The following ZBTB8B variants were observed in gnomAD, a reference collection of about 807,000 sequenced individuals.
ZBTB8B encodes zinc finger and BTB domain-containing protein 8B.
ZBTB8B carries 17 observed loss-of-function variants against 30.3 expected under a neutral mutation model. The observed-to-expected ratio is 0.56, with a 90% CI of 0.38 to 0.84. The LOEUF (loss-of-function observed/expected upper bound fraction) is 0.84. Ranked by LOEUF, ZBTB8B falls within the 40% of genes least tolerant of loss-of-function variation. The pLI, the probability that ZBTB8B is intolerant of heterozygous loss-of-function variation, is 0.00. For missense variants in ZBTB8B, 515 were observed against 644.9 expected (o/e 0.80, Z 2.18); for synonymous variants, 248 against 255.6 (o/e 0.97, Z 0.28).
chr1:32,495,395 G>A lies in ZBTB8B; in HGVS notation c.*9977G>A, dbSNP rs1438202946. On this transcript the variant is annotated 3_prime_UTR_variant, in exon 4 of 4. Coordinates refer to ENST00000609129, the MANE Select transcript of ZBTB8B (RefSeq NM_001145720.2). ...TGGTTTTTAATGAAATATTTATCTA[G>A]TTTGGGATTAAAATTAACTTAGGGC... 1.3e-5 allele frequency: 2 copies of A among 152,050 alleles called. No individual in the cohort carries two copies. The highest frequency in any genetic ancestry group is 3.8e-4 in the East Asian group (2 of 5,196). 9.4% of individuals were successfully genotyped at this position (152,050 alleles called of 1,614,324 possible).
At chr1:32,481,104 G>A in intron 3 of ZBTB8B, 35 bp downstream of exon 3, 1 of 1,513,870 alleles carries the variant, frequency 6.6e-7, no homozygotes, top group Non-Finnish European at 8.9e-7. Flanking sequence ...CTTGTGGCAA[G>A]AGCTATTCAT....
chr1:32,474,141 A>G (rs768562610), intron 2 of ZBTB8B, among the ~76,000 whole-genome samples: 1 of 151,766 alleles, frequency 6.6e-6, no homozygotes, highest in South Asian at 2.1e-4. Context: ...ATGAGCCACT[A>G]TGCCCGGCTT....
chr1:32,470,560 T>C, intron 1 of ZBTB8B, 24 bp from the exon 2 acceptor site: 5 of 1,384,278 alleles, frequency 3.6e-6, no homozygotes, highest in Non-Finnish European at 4.7e-6. Context: ...GATTTGTGAA[T>C]TAACTTAAGA....
At position 32,481,088 on chromosome 1, in the gene ZBTB8B, C is replaced by T. The variant is rs981439712; in HGVS notation, c.1170+19C>T. On this transcript the variant is annotated intron_variant, in intron 3 of 3. Coordinates refer to ENST00000609129, the MANE Select transcript of ZBTB8B (RefSeq NM_001145720.2). The stretch of plus-strand genomic sequence containing the variant: ...ACTGAGTGTAAGTGTTCGAGCTGGC[C>T]ATGCCCTTGTGGCAAGAGCTATTCA... The T allele has an allele frequency of 6.5e-7, 1 of 1,534,618 alleles. No homozygotes were observed. Among genetic ancestry groups the T allele is most frequent in the South Asian group, 1.2e-5 (1 of 80,856 alleles).
intron 3 of ZBTB8B, among the ~76,000 whole-genome samples, chr1:32,483,432 AC>A (rs1469256112): frequency 1.3e-5 from 2 of 151,638 alleles, no homozygotes; most frequent in South Asian, 2.1e-4. Context: ...CTCAAAAAAA[AC>A]AAAACAAAAA....
rs1181158603 is a variant in ZBTB8B, at chr1:32,470,559, ATTAAC to A, written c.-41-20_-41-16del. ...TGTTTGTAAAGGTTGGGATTTGTGA[ATTAAC>A]TTAAGAAAAATCTTGGCAGAGATAC... On this transcript the variant is annotated intron_variant, in intron 1 of 3. Coordinates refer to ENST00000609129, the MANE Select transcript of ZBTB8B (RefSeq NM_001145720.2). 1.1e-5 allele frequency: 16 copies of A among 1,406,124 alleles called. No homozygotes were observed. The highest frequency in any genetic ancestry group is 2.9e-5 in the South Asian group (2 of 68,510). The allele number at this position is 1,406,124 out of a possible 1,614,324, so 87.1% of individuals were successfully genotyped here.
chr1:32,472,724 C>A (rs1643633810), intron 2 of ZBTB8B, among the ~76,000 whole-genome samples: 1 of 152,182 alleles, frequency 6.6e-6, no homozygotes, highest in Admixed American at 6.5e-5. Flanking sequence ...AGTGATTCTT[C>A]TGCCTCAGCC....
chr1:32,473,512 CTTTT>C (rs11300546), intron 2 of ZBTB8B, among the ~76,000 whole-genome samples: 15 of 112,180 alleles, frequency 1.3e-4, no homozygotes, highest in African/African-American at 2.3e-4. Context: ...TGTCTTGAGA[CTTTT>C]TTTTTTTTTT....
Position 32,471,047 on chromosome 1 carries a change from AGCG to A in ZBTB8B, c.432_434del (p.Ala153del). On this transcript the variant is annotated inframe_deletion, in exon 2 of 4. Coordinates refer to ENST00000609129, the MANE Select transcript of ZBTB8B (RefSeq NM_001145720.2). ...CTGTGGCTGCAGCAGTGGCGGCGGC[AGCG>A]GCGGCGGCTGCAGCGGCGGCAGCAG... is the stretch of plus-strand genomic sequence containing the variant. The A allele has an allele frequency of 6.5e-7, 1 of 1,548,326 alleles. No homozygotes were observed. The highest frequency in any genetic ancestry group is 1.2e-5 in the South Asian group (1 of 84,008).
At chr1:32,480,251 C>G (rs1030056170) in intron 2 of ZBTB8B, among the ~76,000 whole-genome samples, 5 of 148,634 alleles carry the variant, frequency 3.4e-5, no homozygotes, top group Admixed American at 2.0e-4. Context: ...CCTCACATAG[C>G]CTTTCCTCTG....
rs900957044 is a variant in ZBTB8B at position 32,488,884 on chromosome 1, C to T, written c.*3466C>T. Reference sequence around the variant, plus strand: ...TGATCTCGGCTCACTGCAACCTCCACCTCCCAGGTTCAAGAGATTCTTCTG... The same window carrying T: ...TGATCTCGGCTCACTGCAACCTCCATCTCCCAGGTTCAAGAGATTCTTCTG... On this transcript the variant is annotated 3_prime_UTR_variant, in exon 4 of 4. Coordinates refer to ENST00000609129, the MANE Select transcript of ZBTB8B (RefSeq NM_001145720.2). The T allele has an allele frequency of 1.3e-5, 2 of 152,268 alleles. No homozygotes were observed. The highest frequency in any genetic ancestry group is 4.8e-5 in the African/African-American group (2 of 41,446). The allele number at this position is 152,268 out of a possible 1,614,324, so 9.4% of individuals were successfully genotyped here. A position where few individuals can be genotyped will look rare whatever the true frequency, so the allele number is the denominator to read the frequency against.
chr1:32,477,460 T>C (rs796981453), intron 2 of ZBTB8B, among the ~76,000 whole-genome samples: 1 of 152,346 alleles, frequency 6.6e-6, no homozygotes, highest in Non-Finnish European at 1.5e-5. Context: ...GCTGGGCCTA[T>C]TTTATTTTAT....
At chr1:32,480,159 C>G (rs1443485776) in intron 2 of ZBTB8B, among the ~76,000 whole-genome samples, 2 of 152,070 alleles carry the variant, frequency 1.3e-5, no homozygotes, top group Non-Finnish European at 2.9e-5. Flanking sequence ...GAAATGTATC[C>G]TCATAGTTCT....
chr1:32,479,229 G>A (rs1025530701), intron 2 of ZBTB8B, among the ~76,000 whole-genome samples: 6 of 152,066 alleles, frequency 3.9e-5, no homozygotes, highest in Non-Finnish European at 7.4e-5. Context: ...CATGGATAGA[G>A]AGAACAAATC....
At position 32,489,976 on chromosome 1, in the gene ZBTB8B, G is replaced by A. The variant is rs1045663183; in HGVS notation, c.*4558G>A. 6.6e-6 allele frequency: 1 copy of A among 152,144 alleles called. No individual in the cohort carries two copies. The highest frequency in any genetic ancestry group is 2.4e-5 in the African/African-American group (1 of 41,426). The allele number at this position is 152,144 out of a possible 1,614,324, so 9.4% of individuals were successfully genotyped here. Reference sequence around the variant, plus strand: ...ATGTTATGGAATTGAGTATTCTGGTGGTTTGGAATACTGAGATGGGTTTTT... The same window carrying A: ...ATGTTATGGAATTGAGTATTCTGGTAGTTTGGAATACTGAGATGGGTTTTT... On this transcript the variant is annotated 3_prime_UTR_variant, in exon 4 of 4. Coordinates refer to ENST00000609129, the MANE Select transcript of ZBTB8B (RefSeq NM_001145720.2).
intron 2 of ZBTB8B, among the ~76,000 whole-genome samples, chr1:32,472,490 T>G (rs191849344): frequency 1.1e-4 from 17 of 152,216 alleles, no homozygotes; most frequent in Non-Finnish European, 1.2e-4. Flanking sequence ...GAGATTGAAG[T>G]GATGTCCAGA....
In ZBTB8B at chr1:32,483,750, G is replaced by GA. The variant is rs376965712; in HGVS notation, c.1171-1341dup. ...ATTACCAAAGGTGTCCAATGAGAGG[G>GA]AAAAAAAAAACCATGTCAAAAATCC... is the stretch of plus-strand genomic sequence containing the variant. On this transcript the variant is annotated intron_variant, in intron 3 of 3. Coordinates refer to ENST00000609129, the MANE Select transcript of ZBTB8B (RefSeq NM_001145720.2). Among the ~76,000 whole-genome samples, 141 of 145,408 alleles carry GA rather than the reference G, an allele frequency of 9.7e-4. 2 individuals carry two copies. In the East Asian group the frequency reaches 0.021, roughly 21 times the overall value.
intron 1 of ZBTB8B, among the ~76,000 whole-genome samples, chr1:32,467,664 G>GT (rs1394514360): frequency 1.3e-5 from 2 of 152,178 alleles, no homozygotes; most frequent in African/African-American, 4.8e-5. Context: ...GCCAGATACT[G>GT]TAAGGGATAT....
At chr1:32,466,525 G>A (rs147665361) in intron 1 of ZBTB8B, among the ~76,000 whole-genome samples, 52 of 152,206 alleles carry the variant, frequency 3.4e-4, no homozygotes, top group African/African-American at 1.1e-3. Context: ...AGCACTTCCC[G>A]GGGCAGCAGA....
Sources: allele counts gnomAD v4.1 joint callset (sites outside exome capture counted in the v4.1 genomes callset), GRCh38; gene constraint gnomAD v4.1.1; transcripts MANE v1.5; gene names NCBI Gene and HGNC (gene_info 2026-07-23, HGNC 2026-07-21).